The following AXDND1 variants were observed in gnomAD, a reference collection of about 807,000 sequenced individuals.
AXDND1 encodes the protein axonemal dynein light chain domain-containing protein 1.
Under a neutral mutation model 137.5 loss-of-function variants are expected in AXDND1, and 110 were observed. That is an observed-to-expected ratio of 0.80 (90% CI 0.69 to 0.94). The LOEUF (loss-of-function observed/expected upper bound fraction) is 0.94, where lower values mean the gene tolerates loss of function less well. Ranked by LOEUF, AXDND1 falls within the 40% of genes least tolerant of loss-of-function variation. The probability of loss-of-function intolerance (pLI) is 0.00; values close to 1 mark genes in which losing one functional copy is unlikely to be tolerated. For missense variants in AXDND1, 1,191 were observed against 1,169.8 expected, an observed-to-expected ratio of 1.02 and a Z score of -0.26; for synonymous variants, 414 against 399.7, an observed-to-expected ratio of 1.04 and a Z score of -0.43.
intron 16 of AXDND1, among the ~76,000 whole-genome samples, chr1:179,460,683 C>T (rs1662194566): frequency 1.3e-5 from 2 of 152,158 alleles, no homozygotes; most frequent in Non-Finnish European, 2.9e-5. Context: ...AAAAGTGTTC[C>T]TATTTCTCCA....
intron 16 of AXDND1, chr1:179,457,183 G>A (rs1661528316): frequency 1.3e-6 from 1 of 769,402 alleles, no homozygotes; most frequent in Non-Finnish European, 2.4e-6. Context: ...TGGAGTGCTT[G>A]GTATTTGGAT....
At position 179,534,804 on chromosome 1, in the gene AXDND1, TA is replaced by T; in HGVS notation, c.2879del (p.Asn960IlefsTer4). ...TATGAGAAACTTCATCATACCCTTA[TA>T]AAAAATAAAGATCTAGAGGAATTAG... ...DAYEKLHHTL[I>X]KNKDLEELVM... On this transcript the variant is annotated frameshift_variant, in exon 25 of 26. Coordinates refer to ENST00000367618, the MANE Select transcript of AXDND1 (RefSeq NM_144696.6). LOFTEE classifies it high-confidence loss of function. 1 of 1,606,194 alleles carries T rather than the reference TA, an allele frequency of 6.2e-7. No individual in the cohort carries two copies. Among genetic ancestry groups the T allele is most frequent in the Non-Finnish European group, 8.5e-7 (1 of 1,178,310 alleles).
At chr1:179,474,185 C>A (rs767206947) in intron 17 of AXDND1, among the ~76,000 whole-genome samples, 7 of 150,892 alleles carry the variant, frequency 4.6e-5, no homozygotes, top group Non-Finnish European at 5.9e-5. Flanking sequence ...AGTTCACACT[C>A]CAGCCTGGGT....
intron 21 of AXDND1, among the ~76,000 whole-genome samples, chr1:179,517,502 G>T (rs1669657194): frequency 6.6e-6 from 1 of 152,222 alleles, no homozygotes; most frequent in South Asian, 2.1e-4. Flanking sequence ...ACAAAGTTCA[G>T]CTGGAGACTT....
intron 25 of AXDND1, among the ~76,000 whole-genome samples, chr1:179,540,618 G>A (rs1402998517): frequency 6.6e-6 from 1 of 152,176 alleles, no homozygotes; most frequent in Admixed American, 6.5e-5. Context: ...TCCTGTATGA[G>A]GTGTCTGTCG....
chr1:179,550,954 G>T (rs1673157805), intron 25 of AXDND1: 1 of 595,576 alleles, frequency 1.7e-6, no homozygotes, highest in Admixed American at 2.9e-5. Context: ...TCCCATAATT[G>T]CTCTGACTAG....
intron 25 of AXDND1, chr1:179,550,959 G>T: frequency 1.6e-6 from 1 of 616,754 alleles, no homozygotes; most frequent in Non-Finnish European, 2.9e-6. Context: ...TAATTGCTCT[G>T]ACTAGATGAG....
intron 21 of AXDND1, among the ~76,000 whole-genome samples, chr1:179,524,010 A>G (rs1670310910): frequency 6.6e-6 from 1 of 152,116 alleles, no homozygotes; most frequent in Admixed American, 6.6e-5. Context: ...CAGTCTCCAA[A>G]TGCCATTATT....
intron 18 of AXDND1, among the ~76,000 whole-genome samples, chr1:179,486,139 A>AAAAAAAAAAAAAAACAGAAAACT (rs149119239): frequency 2.3e-5 from 2 of 87,770 alleles, no homozygotes; most frequent in African/African-American, 3.7e-5. Flanking sequence ...AAAAAAAAAA[A>AAAAAAAAAAAAAAACAGAAAACT]AACCTGATAG....
At chr1:179,482,467 T>C (rs1293047854) in intron 17 of AXDND1, among the ~76,000 whole-genome samples, 1 of 152,050 alleles carries the variant, frequency 6.6e-6, no homozygotes, top group Non-Finnish European at 1.5e-5. Context: ...AGTATAAAAA[T>C]CCATGGAAGA....
At chr1:179,381,610 C>T (rs780339942) in intron 6 of AXDND1, among the ~76,000 whole-genome samples, 7 of 151,920 alleles carry the variant, frequency 4.6e-5, no homozygotes, top group South Asian at 2.1e-4. Flanking sequence ...TCCCAAAGTG[C>T]TGGGATTACA....
chr1:179,405,972 T>C (rs1164187249), intron 11 of AXDND1, among the ~76,000 whole-genome samples: 1 of 152,116 alleles, frequency 6.6e-6, no homozygotes, highest in Non-Finnish European at 1.5e-5. Flanking sequence ...GGTTGTTTAT[T>C]TGAAATCTTT....
intron 11 of AXDND1, among the ~76,000 whole-genome samples, chr1:179,396,500 T>A (rs559927293): frequency 2.0e-5 from 3 of 151,804 alleles, no homozygotes; most frequent in African/African-American, 7.2e-5. Flanking sequence ...ATACAAAAAA[T>A]TAGCTGACAT....
At chr1:179,439,005 C>T (rs773226111) in intron 15 of AXDND1, among the ~76,000 whole-genome samples, 12 of 152,022 alleles carry the variant, frequency 7.9e-5, no homozygotes, top group African/African-American at 1.7e-4. Flanking sequence ...GATTGGATCT[C>T]GGTGTTGTAT....
chr1:179,425,154 TG>T (rs1250873074), intron 12 of AXDND1, among the ~76,000 whole-genome samples: 2 of 152,232 alleles, frequency 1.3e-5, no homozygotes, highest in African/African-American at 4.8e-5. Flanking sequence ...CTTCTCTGTC[TG>T]GCTTGTTTTA....
At chr1:179,549,940 C>T (rs932674620) in intron 25 of AXDND1, among the ~76,000 whole-genome samples, 3 of 152,008 alleles carry the variant, frequency 2.0e-5, no homozygotes, top group African/African-American at 7.2e-5. Context: ...TTCCCCAACC[C>T]ATGTCCTGTT....
chr1:179,366,468 G>T lies in AXDND1; in HGVS notation c.-42G>T. On this transcript the variant is annotated 5_prime_UTR_variant, in exon 2 of 26. Coordinates refer to ENST00000367618, the MANE Select transcript of AXDND1 (RefSeq NM_144696.6). ...TTGTGTCTAAATTAGCTTTCCGGAG[G>T]ACTATTTCAAATTACTAAAGAGATA... 6.6e-7 allele frequency: 1 copy of T among 1,515,578 alleles called. No individual in the cohort carries two copies. Among genetic ancestry groups the T allele is most frequent in the South Asian group, 1.1e-5 (1 of 88,860 alleles). 93.9% of individuals were successfully genotyped at this position (1,515,578 alleles called of 1,614,324 possible).
intron 9 of AXDND1, among the ~76,000 whole-genome samples, chr1:179,386,614 T>C (rs575994199): frequency 3.7e-4 from 56 of 152,306 alleles, no homozygotes; most frequent in African/African-American, 1.3e-3. Context: ...ACATTTTTGC[T>C]CTTTTCTATT....
chr1:179,551,111 C>T, intron 25 of AXDND1: 6 of 1,602,924 alleles, frequency 3.7e-6, no homozygotes, highest in Non-Finnish European at 5.1e-6. Flanking sequence ...CAGAGTGTCT[C>T]CCTCAGGCAT....
Sources: allele counts gnomAD v4.1 joint callset (sites outside exome capture counted in the v4.1 genomes callset), GRCh38; gene constraint gnomAD v4.1.1; transcripts MANE v1.5; gene names NCBI Gene and HGNC (gene_info 2026-07-23, HGNC 2026-07-21).